ECM2: variants seen among roughly 807,000 people sequenced by gnomAD.
ECM2 encodes extracellular matrix protein 2.
In ECM2, 57 loss-of-function variants were observed where a neutral mutation model predicts 67.5. The observed-to-expected ratio is 0.84, with a 90% CI of 0.68 to 1.05. The LOEUF (loss-of-function observed/expected upper bound fraction) is 1.05. ECM2 is among the 50% of genes least tolerant of loss of function. ECM2 has a pLI of 0.00. For missense variants in ECM2, 741 were observed against 822.8 expected (o/e 0.90, Z 1.22); for synonymous variants, 258 against 294.5 (o/e 0.88, Z 1.27).
downstream of ECM2, among the ~76,000 whole-genome samples, chr9:92,495,128 G>A (rs140775975): frequency 3.3e-5 from 5 of 152,230 alleles, 1 homozygote; most frequent in African/African-American, 9.6e-5. Context: ...AAGGTTCCTA[G>A]AGTGGTGAAA....
the ECM2 span, among the ~76,000 whole-genome samples, chr9:92,555,003 T>TTTGTTGTTGTTGTTG: frequency 1.3e-5 from 2 of 149,708 alleles, no homozygotes; most frequent in Non-Finnish European, 3.0e-5. Flanking sequence ...GTCTGTATTG[T>TTTGTTGTTGTTGTTG]TTGTTGTTGT....
At chr9:92,518,850 C>T (rs1313916841) in intron 2 of ECM2, among the ~76,000 whole-genome samples, 1 of 152,182 alleles carries the variant, frequency 6.6e-6, no homozygotes, top group African/African-American at 2.4e-5. Flanking sequence ...GATCGTTCCA[C>T]TGTACTCCAG....
the ECM2 span, among the ~76,000 whole-genome samples, chr9:92,547,175 A>T: frequency 6.6e-6 from 1 of 152,246 alleles, no homozygotes; most frequent in African/African-American, 2.4e-5. Context: ...TTTTGATAAA[A>T]TTCAACAGCC....
In ECM2 at chr9:92,522,829, A is replaced by G. The variant is rs1848162146; in HGVS notation, c.38T>C (p.Ile13Thr). Residue 13 changes from isoleucine (I) to threonine (T), a missense_variant, in exon 2 of 10, where the codon ATC becomes ACC. Physicochemically the swap from Ile to Thr is moderately conservative, Grantham distance 89 (BLOSUM62 -1). Transcript: ENST00000344604. ...TTTTCCAAAGTCAGTTTGAAAAATG[A>G]TAAGCAGAAAAAAACAAAACAAAAC... The part of the protein sequence containing the change: ...IAVLFCFFLL[I>T]IFQTDFGKNE... 6.2e-6 allele frequency: 10 copies of G among 1,610,260 alleles called. No individual in the cohort carries two copies. The South Asian group carries it at 7.8e-5, about 13-fold the overall frequency.
the ECM2 span, among the ~76,000 whole-genome samples, chr9:92,544,983 C>A: frequency 6.6e-6 from 1 of 152,182 alleles, no homozygotes; most frequent in Non-Finnish European, 1.5e-5. Context: ...CAGCCCGCTC[C>A]AGAGTGCTGG....
the ECM2 span, among the ~76,000 whole-genome samples, chr9:92,555,455 C>T: frequency 6.6e-6 from 1 of 151,780 alleles, no homozygotes; most frequent in African/African-American, 2.4e-5. Flanking sequence ...TCTCGAACTC[C>T]TGAACTCAGG....
intron 1 of ECM2, among the ~76,000 whole-genome samples, chr9:92,534,976 G>C (rs887065668): frequency 2.6e-5 from 4 of 152,148 alleles, no homozygotes; most frequent in African/African-American, 9.7e-5. Context: ...CATCCTGAAA[G>C]CACTCACTTA....
At chr9:92,541,049 C>T (rs1849306630), upstream of ECM2, among the ~76,000 whole-genome samples, 4 of 151,326 alleles carry the variant, frequency 2.6e-5, no homozygotes, top group East Asian at 4.0e-4. Context: ...ATCACAAGGT[C>T]AGGAGTTCAA....
chr9:92,514,706 T>C lies in ECM2; in HGVS notation c.979A>G (p.Ile327Val), dbSNP rs1208512037. ...GTAAGCATGGCGTTGATGCAGCTGATGGTCCTGTAGGACAGAGAGCACCCG... is the reference window on the plus strand; with the variant it reads ...GTAAGCATGGCGTTGATGCAGCTGACGGTCCTGTAGGACAGAGAGCACCCG... ...PSGCSLSYRT[I>V]SCINAMLTQI... The change falls in exon 4 of 10, where the codon ATC (isoleucine) becomes GTC (valine). Residue 327 changes from isoleucine (I) to valine (V), a missense_variant. Physicochemically the swap from Ile to Val is conservative, Grantham distance 29. Coordinates refer to ENST00000344604, the MANE Select transcript of ECM2 (RefSeq NM_001393.4). 5 of 1,613,582 alleles carry C rather than the reference T, an allele frequency of 3.1e-6. No homozygotes were observed. Among genetic ancestry groups the C allele is most frequent in the Non-Finnish European group, 4.2e-6 (5 of 1,179,658 alleles).
At chr9:92,498,452 A>AAT (rs536901612) in intron 9 of ECM2, among the ~76,000 whole-genome samples, 29 of 151,930 alleles carry the variant, frequency 1.9e-4, no homozygotes, top group African/African-American at 5.8e-4. Flanking sequence ...GTAAAAAGAA[A>AAT]ATATATATAT....
chr9:92,532,014 TG>T (rs1277365976), intron 1 of ECM2, among the ~76,000 whole-genome samples: 14 of 117,594 alleles, frequency 1.2e-4, no homozygotes, highest in South Asian at 4.9e-4. Context: ...TTTTATTTAA[TG>T]TTTTTTTTTT....
At chr9:92,516,554 C>T (rs1847736362) in intron 3 of ECM2, among the ~76,000 whole-genome samples, 1 of 152,128 alleles carries the variant, frequency 6.6e-6, no homozygotes, top group Admixed American at 6.5e-5. Flanking sequence ...TCTAGCAAAA[C>T]ATGCAGAAGA....
At chr9:92,501,694 C>T (rs1846686545) in intron 8 of ECM2, among the ~76,000 whole-genome samples, 1 of 152,220 alleles carries the variant, frequency 6.6e-6, no homozygotes, top group Non-Finnish European at 1.5e-5. Flanking sequence ...GACTTCTCTG[C>T]CTACAGTGGG....
At chr9:92,550,975 G>C in the ECM2 span, among the ~76,000 whole-genome samples, 5 of 152,182 alleles carry the variant, frequency 3.3e-5, no homozygotes, top group African/African-American at 1.2e-4. Context: ...GGGGTTGCTT[G>C]CACTAGCAGT....
Position 92,515,113 on chromosome 9 carries a change from A to G in ECM2, c.572T>C (p.Leu191Pro). 6.2e-7 allele frequency: 1 copy of G among 1,613,888 alleles called. No homozygotes were observed. The highest frequency in any genetic ancestry group is 8.5e-7 in the Non-Finnish European group (1 of 1,180,012). ...CTGAGGAGGTGGCAGTTGCTTATGAAGTAAATTGGTAGGTTCTCTTTGTTC... is the reference window on the plus strand; with the variant it reads ...CTGAGGAGGTGGCAGTTGCTTATGAGGTAAATTGGTAGGTTCTCTTTGTTC... ...SSEQREPTNL[L>P]HKQLPPPQVG... The change falls in exon 4 of 10, where the codon CTT (leucine) becomes CCT (proline). Residue 191 changes from leucine (L) to proline (P), a missense_variant. Coordinates refer to ENST00000344604, the MANE Select transcript of ECM2 (RefSeq NM_001393.4).
At chr9:92,507,094 C>A (rs916638453) in intron 6 of ECM2, among the ~76,000 whole-genome samples, 10 of 151,958 alleles carry the variant, frequency 6.6e-5, no homozygotes, top group African/African-American at 2.4e-4. Flanking sequence ...GGCCTTTGCA[C>A]CCTGGACAAC....
At chr9:92,493,970 G>A (rs998308216), downstream of ECM2, 15 of 954,128 alleles carry the variant, frequency 1.6e-5, no homozygotes, top group Admixed American at 1.1e-4. Context: ...GAGGGTGGCC[G>A]TAGTCTCCTG....
chr9:92,498,591 T>A (rs1411546118), intron 9 of ECM2, among the ~76,000 whole-genome samples: 1 of 152,136 alleles, frequency 6.6e-6, no homozygotes, highest in Non-Finnish European at 1.5e-5. Flanking sequence ...GAGCAATTTC[T>A]AAAAACCAAA....
chr9:92,524,423 C>A (rs1159379389), intron 1 of ECM2, among the ~76,000 whole-genome samples: 2 of 152,122 alleles, frequency 1.3e-5, no homozygotes, highest in Non-Finnish European at 2.9e-5. Context: ...AGTCTGGTGG[C>A]CAGGGACAAG....
Sources: allele counts gnomAD v4.1 joint callset (sites outside exome capture counted in the v4.1 genomes callset), GRCh38; gene constraint gnomAD v4.1.1; transcripts MANE v1.5; gene names NCBI Gene and HGNC (gene_info 2026-07-23, HGNC 2026-07-21).